WWP2: variants seen among roughly 807,000 people sequenced by gnomAD.
WWP2 encodes NEDD4-like E3 ubiquitin-protein ligase WWP2.
A neutral mutation model predicts 121.0 loss-of-function variants in WWP2; 57 were observed. The ratio of observed to expected loss-of-function variants is 0.47; its 90% CI spans 0.38 to 0.59. The LOEUF (loss-of-function observed/expected upper bound fraction) is 0.59. WWP2 is among the 20% of genes least tolerant of loss of function. The pLI is 0.00. For synonymous variants in WWP2, 449 were observed against 441.3 expected, an observed-to-expected ratio of 1.02 and a Z score of -0.22; for missense variants, 962 against 1,158.9, an observed-to-expected ratio of 0.83 and a Z score of 2.47.
intron 8 of WWP2, among the ~76,000 whole-genome samples, chr16:69,897,051 C>G (rs1049648737): frequency 2.0e-5 from 3 of 151,826 alleles, no homozygotes; most frequent in African/African-American, 7.3e-5. Context: ...TGTGGCTCAT[C>G]ATCTTTGGCT....
At chr16:69,920,969 T>C (rs1391761480) in intron 10 of WWP2, among the ~76,000 whole-genome samples, 1 of 152,078 alleles carries the variant, frequency 6.6e-6, no homozygotes, top group Non-Finnish European at 1.5e-5. Flanking sequence ...CTTAGCAACA[T>C]TATTCTGGGT....
intron 8 of WWP2, among the ~76,000 whole-genome samples, chr16:69,892,774 T>G (rs961396231): frequency 1.3e-5 from 2 of 152,174 alleles, no homozygotes; most frequent in Non-Finnish European, 2.9e-5. Context: ...GCTCAAGCAA[T>G]CCTCCTGCCT....
At chr16:69,807,367 C>G (rs74620570) in intron 4 of WWP2, among the ~76,000 whole-genome samples, 2,161 of 152,052 alleles carry the variant, frequency 0.014, 50 homozygotes, top group African/African-American at 0.046. Flanking sequence ...ATAATGAAAA[C>G]ATGTTTGCTT....
At chr16:69,929,385 A>C (rs2058680608) in intron 11 of WWP2, 63 bp from the exon 12 acceptor site, 1 of 1,510,090 alleles carries the variant, frequency 6.6e-7, no homozygotes, top group African/African-American at 1.4e-5. Context: ...TGGGAACCTC[A>C]GGGAAAGGAC....
At chr16:69,784,091 C>CTTT (rs61650147) in intron 1 of WWP2, among the ~76,000 whole-genome samples, 404 of 60,514 alleles carry the variant, frequency 6.7e-3, no homozygotes, top group East Asian at 0.012. Flanking sequence ...TTCTTTCTTT[C>CTTT]TTTTTTTTTT....
chr16:69,764,593 G>A (rs117186328), intron 1 of WWP2, among the ~76,000 whole-genome samples: 1,544 of 152,294 alleles, frequency 0.01, 13 homozygotes, highest in Non-Finnish European at 0.018. Context: ...GTGAGTAAAT[G>A]AAGTTTAGAA....
chr16:69,889,902 CT>C (rs1447572355), intron 8 of WWP2, among the ~76,000 whole-genome samples: 2 of 152,228 alleles, frequency 1.3e-5, no homozygotes, highest in East Asian at 3.9e-4. Context: ...CTGTATTATT[CT>C]TTTTTTCACT....
chr16:69,848,319 G>A (rs963385582), intron 6 of WWP2, among the ~76,000 whole-genome samples: 5 of 151,988 alleles, frequency 3.3e-5, no homozygotes, highest in Admixed American at 6.5e-5. Flanking sequence ...GCGTGGTGGC[G>A]CATGCCTGTA....
chr16:69,763,241 A>T (rs2038656629), intron 1 of WWP2, among the ~76,000 whole-genome samples: 1 of 152,106 alleles, frequency 6.6e-6, no homozygotes, highest in African/African-American at 2.4e-5. Flanking sequence ...CGTTTAAATT[A>T]TTCAGTTTCC....
intron 8 of WWP2, among the ~76,000 whole-genome samples, chr16:69,902,734 G>A (rs1449055575): frequency 6.6e-6 from 1 of 152,158 alleles, no homozygotes; most frequent in Non-Finnish European, 1.5e-5. Context: ...ATTGATACCA[G>A]TGTCACTTTC....
chr16:69,795,095 G>C (rs1470210306), intron 2 of WWP2, among the ~76,000 whole-genome samples: 1 of 152,138 alleles, frequency 6.6e-6, no homozygotes, highest in Non-Finnish European at 1.5e-5. Flanking sequence ...AGTTAGCCAG[G>C]CGTGGTGTTG....
At chr16:69,881,442 A>G (rs1465730677) in intron 7 of WWP2, among the ~76,000 whole-genome samples, 1 of 152,246 alleles carries the variant, frequency 6.6e-6, no homozygotes, top group Non-Finnish European at 1.5e-5. Context: ...GCAATGCAGG[A>G]TCCTGGGTTG....
At chr16:69,844,750 T>C (rs184291299) in intron 6 of WWP2, among the ~76,000 whole-genome samples, 2 of 152,218 alleles carry the variant, frequency 1.3e-5, no homozygotes, top group Non-Finnish European at 2.9e-5. Context: ...CTTCCGATAG[T>C]GTAAGCCTTA....
intron 4 of WWP2, among the ~76,000 whole-genome samples, chr16:69,809,641 AT>A (rs2056349722): frequency 6.6e-6 from 1 of 151,994 alleles, no homozygotes; most frequent in African/African-American, 2.4e-5. Flanking sequence ...GGTGGTGTGT[AT>A]TTGTAATCTC....
chr16:69,804,413 T>C (rs774233150), intron 4 of WWP2, among the ~76,000 whole-genome samples: 5 of 152,216 alleles, frequency 3.3e-5, no homozygotes, highest in Non-Finnish European at 7.3e-5. Flanking sequence ...TTCCCTAATA[T>C]GTAGCTGATT....
chr16:69,859,749 G>C (rs1262398237), intron 6 of WWP2, among the ~76,000 whole-genome samples: 1 of 151,910 alleles, frequency 6.6e-6, no homozygotes. Context: ...CAGGAAAGGA[G>C]TGTCAGATCT....
Position 69,934,854 on chromosome 16 carries a change from G to A in WWP2, c.1842+725G>A, listed in dbSNP as rs1031046528. The stretch of plus-strand genomic sequence containing the variant: ...TTTAGGTTACCAGCTCTATGGGGGC[G>A]AAGGGTAGAGCCCAGAGAGGGCGCG... On this transcript the variant is annotated intron_variant, in intron 17 of 23. Coordinates refer to ENST00000359154, the MANE Select transcript of WWP2 (RefSeq NM_001270454.2). Among the ~76,000 whole-genome samples, 14 of 152,274 alleles carry A rather than the reference G, an allele frequency of 9.2e-5. 1 individual carries two copies. The highest frequency in any genetic ancestry group is 1.3e-4 in the Admixed American group (2 of 15,302).
chr16:69,899,117 A>G (rs2151950146), intron 8 of WWP2, among the ~76,000 whole-genome samples: 1 of 152,294 alleles, frequency 6.6e-6, no homozygotes, highest in African/African-American at 2.4e-5. Flanking sequence ...GGTGCCTTTT[A>G]TTGTACAAGA....
intron 6 of WWP2, among the ~76,000 whole-genome samples, chr16:69,844,185 C>T (rs1259234967): frequency 6.6e-6 from 1 of 152,134 alleles, no homozygotes. Flanking sequence ...TTTTCCGTGT[C>T]TCGGTAGGTG....
Sources: allele counts gnomAD v4.1 joint callset (sites outside exome capture counted in the v4.1 genomes callset), GRCh38; gene constraint gnomAD v4.1.1; transcripts MANE v1.5; gene names NCBI Gene and HGNC (gene_info 2026-07-23, HGNC 2026-07-21).